The following WWC2 variants were observed in gnomAD, a reference collection of about 807,000 sequenced individuals.
The protein encoded by WWC2 is protein WWC2.
WWC2 carries 101 observed loss-of-function variants against 138.5 expected under a neutral mutation model. The ratio of observed to expected loss-of-function variants is 0.73; its 90% CI spans 0.62 to 0.86. The LOEUF (loss-of-function observed/expected upper bound fraction) is 0.86. Among genes scored for constraint, WWC2 ranks in the 40% least tolerant of loss-of-function variants. The pLI, the probability that WWC2 is intolerant of heterozygous loss-of-function variation, is 0.00. For missense variants in WWC2, 1,420 were observed against 1,419.4 expected (o/e 1.00, Z -0.01); for synonymous variants, 558 against 538.4 (o/e 1.04, Z -0.50).
intron 1 of WWC2, among the ~76,000 whole-genome samples, chr4:183,142,641 A>G (rs1016410145): frequency 2.6e-5 from 4 of 152,346 alleles, no homozygotes. Context: ...ATATTGGAAT[A>G]ATGTTTCAAA....
rs186881879 is a variant in WWC2, at chr4:183,273,508, T to G, written c.2562+2267T>G. 1.1e-4 allele frequency among the ~76,000 whole-genome samples: 16 copies of G among 152,204 alleles called. 1 individual carries two copies. In the East Asian group the frequency reaches 3.1e-3, roughly 30 times the overall value. ...TAGTAGAGACGGGGTTTCTCCATGTTGGTCAGGCTGGTCTCAAACTCCCGA... is the reference window on the plus strand; with the variant it reads ...TAGTAGAGACGGGGTTTCTCCATGTGGGTCAGGCTGGTCTCAAACTCCCGA... On this transcript the variant is annotated intron_variant, in intron 16 of 22. Transcript: ENST00000403733.
chr4:183,134,319 C>CT (rs1215133814), intron 1 of WWC2, among the ~76,000 whole-genome samples: 1 of 145,894 alleles, frequency 6.9e-6, no homozygotes, highest in African/African-American at 2.6e-5. Context: ...GTTGATTTTA[C>CT]TATTTTTTTT....
intron 1 of WWC2, among the ~76,000 whole-genome samples, chr4:183,158,615 G>A (rs770111377): frequency 1.3e-5 from 2 of 152,000 alleles, no homozygotes; most frequent in Admixed American, 6.6e-5. Flanking sequence ...TCAGGTTATG[G>A]TGTTGAGGGT....
At chr4:183,223,935 T>A (rs1735996432) in intron 4 of WWC2, among the ~76,000 whole-genome samples, 1 of 152,196 alleles carries the variant, frequency 6.6e-6, no homozygotes, top group Non-Finnish European at 1.5e-5. Context: ...TTAGCCATGT[T>A]GGCCAGGCTG....
intron 21 of WWC2, among the ~76,000 whole-genome samples, chr4:183,290,299 G>A (rs1738405470): frequency 6.6e-6 from 1 of 152,160 alleles, no homozygotes; most frequent in African/African-American, 2.4e-5. Context: ...GGTGGATCAT[G>A]AGGTCAGGAG....
In WWC2 at chr4:183,284,085, T is replaced by C; in HGVS notation, c.2884-141T>C. 4 of 932,700 alleles carry C rather than the reference T, an allele frequency of 4.3e-6. No individual in the cohort carries two copies. The South Asian group carries it at 7.2e-5, about 17-fold the overall frequency. The allele number at this position is 932,700 out of a possible 1,614,324, so 57.8% of individuals were successfully genotyped here. On this transcript the variant is annotated intron_variant, in intron 18 of 22. Transcript: ENST00000403733. ...ACTTCAGAAGTACTATAGTCTGTAA[T>C]GCAAAGCCTTTCTCTTAGGAGTGGC...
At chr4:183,210,738 C>G (rs1735573221) in intron 4 of WWC2, among the ~76,000 whole-genome samples, 1 of 152,306 alleles carries the variant, frequency 6.6e-6, no homozygotes, top group African/African-American at 2.4e-5. Context: ...CTATTGCTTC[C>G]AGGCTACAAA....
At chr4:183,185,945 ATT>A (rs546555995) in intron 1 of WWC2, among the ~76,000 whole-genome samples, 49 of 131,120 alleles carry the variant, frequency 3.7e-4, no homozygotes, top group Admixed American at 4.6e-4. Flanking sequence ...TTTAACATAG[ATT>A]TTTTTTTTTT....
chr4:183,295,117 G>A (rs976449040), intron 21 of WWC2, among the ~76,000 whole-genome samples: 3 of 152,076 alleles, frequency 2.0e-5, no homozygotes, highest in Non-Finnish European at 4.4e-5. Flanking sequence ...GGAAACTTGA[G>A]CAGACATATT....
chr4:183,304,992 G>A (rs1445164847), intron 21 of WWC2, among the ~76,000 whole-genome samples: 1 of 152,144 alleles, frequency 6.6e-6, no homozygotes, highest in African/African-American at 2.4e-5. Context: ...TATGCCAAGG[G>A]CTATAAGGGA....
chr4:183,265,615 A>G, intron 12 of WWC2, 73 bp from the exon 13 acceptor site: 1 of 1,442,420 alleles, frequency 6.9e-7, no homozygotes, highest in South Asian at 1.2e-5. Context: ...CAGAATCACT[A>G]AGTGGCAAAC....
At chr4:183,108,088 CAT>C (rs1270956911) in intron 1 of WWC2, among the ~76,000 whole-genome samples, 16 of 152,126 alleles carry the variant, frequency 1.1e-4, no homozygotes, top group South Asian at 4.2e-4. Flanking sequence ...CGTAATGAAT[CAT>C]ATGTGCAATG....
Position 183,319,418 on chromosome 4 carries a change from A to T in WWC2, c.*3689A>T. The T allele has an allele frequency of 1.0e-6, 1 of 965,824 alleles. No individual in the cohort carries two copies. Among genetic ancestry groups the T allele is most frequent in the Non-Finnish European group, 1.5e-6 (1 of 647,236 alleles). 59.8% of individuals were successfully genotyped at this position (965,824 alleles called of 1,614,324 possible). A position where few individuals can be genotyped will look rare whatever the true frequency, so the allele number is the denominator to read the frequency against. ...AAAATGGTTTACCAGTCTTGGAAAGAAACTATAGTTTAATAGCCACAGGAA... is the reference window on the plus strand; with the variant it reads ...AAAATGGTTTACCAGTCTTGGAAAGTAACTATAGTTTAATAGCCACAGGAA... On this transcript the variant is annotated 3_prime_UTR_variant, in exon 23 of 23. Transcript: ENST00000403733.
chr4:183,273,429 C>G (rs1246017841), intron 16 of WWC2, among the ~76,000 whole-genome samples: 1 of 152,040 alleles, frequency 6.6e-6, no homozygotes, highest in Non-Finnish European at 1.5e-5. Context: ...CTCAGCCTCC[C>G]GAGTAGCTGG....
intron 4 of WWC2, among the ~76,000 whole-genome samples, chr4:183,226,080 C>G (rs1005945124): frequency 2.1e-5 from 3 of 139,982 alleles, no homozygotes; most frequent in Non-Finnish European, 4.7e-5. Context: ...TGAAACTTTT[C>G]TTTTCTTTTC....
chr4:183,221,977 A>G (rs998746729), intron 4 of WWC2, among the ~76,000 whole-genome samples: 1 of 152,246 alleles, frequency 6.6e-6, no homozygotes, highest in Non-Finnish European at 1.5e-5. Flanking sequence ...TATGCTTATT[A>G]GCCTAAACTG....
At chr4:183,216,861 T>C (rs758786437) in intron 4 of WWC2, among the ~76,000 whole-genome samples, 1 of 152,174 alleles carries the variant, frequency 6.6e-6, no homozygotes, top group Non-Finnish European at 1.5e-5. Context: ...AATCTTTGAC[T>C]GAATACTGAT....
chr4:183,105,889 T>TA lies in WWC2; in HGVS notation c.131+6283dup, dbSNP rs776622580. On this transcript the variant is annotated intron_variant, in intron 1 of 22. Transcript: ENST00000403733. ...TGGGTGACAGAACGGGACTCTGTCT[T>TA]AAAAAAAAAAAAAAAAGAATTTTGG... is the stretch of plus-strand genomic sequence containing the variant. Among the ~76,000 whole-genome samples, 218 of 135,134 alleles carry TA rather than the reference T, an allele frequency of 1.6e-3. 1 individual carries two copies. The Middle Eastern group carries it at 0.018, about 11-fold the overall frequency. 88.7% of individuals were successfully genotyped at this position (135,134 alleles called of 152,430 possible).
At chr4:183,246,007 G>A (rs1212894869) in intron 6 of WWC2, among the ~76,000 whole-genome samples, 7 of 152,140 alleles carry the variant, frequency 4.6e-5, no homozygotes, top group African/African-American at 9.7e-5. Context: ...TGATTCTGGG[G>A]TGCCAGCTAA....
Sources: allele counts gnomAD v4.1 joint callset (sites outside exome capture counted in the v4.1 genomes callset), GRCh38; gene constraint gnomAD v4.1.1; transcripts MANE v1.5; gene names NCBI Gene and HGNC (gene_info 2026-07-23, HGNC 2026-07-21).